Variants in STK10 observed in about 807,000 individuals in gnomAD.
STK10 encodes serine/threonine kinase 10, also known as serine/threonine-protein kinase 10.
Under a neutral mutation model 113.8 loss-of-function variants are expected in STK10, and 78 were observed. The ratio of observed to expected loss-of-function variants is 0.69; its 90% CI spans 0.57 to 0.83. The LOEUF is 0.83. STK10 is among the 40% of genes least tolerant of loss of function. The pLI, the probability that STK10 is intolerant of heterozygous loss-of-function variation, is 0.00. For missense variants in STK10, 1,109 were observed against 1,280.1 expected (o/e 0.87, Z 2.04); for synonymous variants, 465 against 494.7 (o/e 0.94, Z 0.80).
chr5:172,087,752 C>A lies in STK10; in HGVS notation c.1685+2480G>T, dbSNP rs1768604882. The stretch of plus-strand genomic sequence containing the variant: ...CACGCCATTCTCCTGCCTCAGCCTC[C>A]CGAGTAGCTGGGACTACAGGCGCCC... On this transcript the variant is annotated intron_variant, in intron 10 of 18. Coordinates refer to ENST00000176763, the MANE Select transcript of STK10 (RefSeq NM_005990.4). Among the ~76,000 whole-genome samples the A allele has an allele frequency of 1.5e-5, 2 of 133,686 alleles. 1 individual carries two copies. The highest frequency in any genetic ancestry group is 3.2e-5 in the Non-Finnish European group (2 of 62,804). The allele number at this position is 133,686 out of a possible 152,430, so 87.7% of individuals were successfully genotyped here. A position where few individuals can be genotyped will look rare whatever the true frequency, so the allele number is the denominator to read the frequency against.
At chr5:172,070,269 A>C (rs1307021788) in intron 12 of STK10, among the ~76,000 whole-genome samples, 1 of 150,534 alleles carries the variant, frequency 6.6e-6, no homozygotes, top group East Asian at 1.9e-4. Flanking sequence ...ATATCTATAT[A>C]TCTATATATC....
intron 2 of STK10, 42 bp from the exon 3 acceptor site, chr5:172,127,463 C>G (rs1280524486): frequency 5.0e-6 from 8 of 1,610,114 alleles, no homozygotes; most frequent in Non-Finnish European, 6.8e-6. Flanking sequence ...GTGGGGCTGC[C>G]CAGCCGTCGA....
Position 172,093,448 on chromosome 5 carries a change from C to T in STK10, c.1518G>A (p.Leu506=), listed in dbSNP as rs1050360414. 1 of 1,610,060 alleles carries T rather than the reference C, an allele frequency of 6.2e-7. No individual in the cohort carries two copies. The highest frequency in any genetic ancestry group is 8.5e-7 in the Non-Finnish European group (1 of 1,176,886). ...GAGAGCCCATCTCTTTGTTCAGCGA[C>T]AGGTCAGTGGAGAGATTGGTACCAT... ...MDYGTNLSTD[L]SLNKEMGSLS... is the part of the protein sequence containing the mutation. Residue 506 remains leucine (L), a synonymous_variant, in exon 9 of 19, where the codon CTG becomes CTA. Transcript: ENST00000176763. The surrounding 1 kb of genome is among the most constrained non-coding windows in gnomAD (Gnocchi z 4.1).
At chr5:172,084,826 C>T (rs929012661) in intron 10 of STK10, among the ~76,000 whole-genome samples, 16 of 151,798 alleles carry the variant, frequency 1.1e-4, no homozygotes, top group African/African-American at 2.9e-4. Context: ...ATCTGAAGTC[C>T]GAAATGTTCC....
chr5:172,114,471 A>ATTTTTTTTTT (rs1216558864), intron 4 of STK10: 8 of 38,398 alleles, frequency 2.1e-4, no homozygotes, highest in Non-Finnish European at 3.2e-4. Flanking sequence ...ATATATATAT[A>ATTTTTTTTTT]TATTTTTTTT....
At chr5:172,085,873 A>G (rs1447835436) in intron 10 of STK10, among the ~76,000 whole-genome samples, 13 of 152,056 alleles carry the variant, frequency 8.5e-5, no homozygotes, top group Non-Finnish European at 1.3e-4. Flanking sequence ...GCTGATTCCC[A>G]TGAGGCCACG....
chr5:172,121,566 G>C (rs1033780888), intron 3 of STK10, among the ~76,000 whole-genome samples: 1 of 152,058 alleles, frequency 6.6e-6, no homozygotes, highest in East Asian at 2.0e-4. Context: ...CAGCACTTCG[G>C]GAGGTGGAGG....
In STK10 at chr5:172,188,060, C is replaced by T; in HGVS notation, c.-18G>A. Reference sequence around the variant, plus strand: ...AAAGCCATGGCCGGGGGCGCGGTGGCGCCGGCTCGGGCTCGGGCTCGGGCT... The same window carrying T: ...AAAGCCATGGCCGGGGGCGCGGTGGTGCCGGCTCGGGCTCGGGCTCGGGCT... On this transcript the variant is annotated 5_prime_UTR_variant, in exon 1 of 19. Transcript: ENST00000176763. The surrounding 1 kb of genome is among the most constrained non-coding windows in gnomAD (Gnocchi z 5.6). The T allele has an allele frequency of 6.2e-7, 1 of 1,608,624 alleles. No individual in the cohort carries two copies. The highest frequency in any genetic ancestry group is 8.5e-7 in the Non-Finnish European group (1 of 1,177,662).
chr5:172,078,892 C>T (rs564481800), intron 12 of STK10, among the ~76,000 whole-genome samples: 1 of 151,888 alleles, frequency 6.6e-6, no homozygotes, highest in African/African-American at 2.4e-5. Context: ...CCCCCATCCC[C>T]TCCTAAACTA....
At chr5:172,140,644 C>G (rs1469743434) in intron 2 of STK10, among the ~76,000 whole-genome samples, 2 of 152,172 alleles carry the variant, frequency 1.3e-5, no homozygotes, top group East Asian at 3.8e-4. Flanking sequence ...TTGCAGTGAG[C>G]CAAGATTGTG....
intron 2 of STK10, among the ~76,000 whole-genome samples, chr5:172,153,342 T>C (rs1032749812): frequency 1.4e-5 from 2 of 146,204 alleles, no homozygotes; most frequent in Non-Finnish European, 3.0e-5. Context: ...AAATGATGCA[T>C]GTGGCTCACA....
chr5:172,102,179 T>C (rs1769004912), intron 7 of STK10, among the ~76,000 whole-genome samples: 1 of 151,572 alleles, frequency 6.6e-6, no homozygotes, highest in African/African-American at 2.4e-5. Flanking sequence ...GAGGTGGTGG[T>C]GGCCCAGGTA....
At chr5:172,142,909 C>T (rs776758637) in intron 2 of STK10, among the ~76,000 whole-genome samples, 3 of 152,224 alleles carry the variant, frequency 2.0e-5, no homozygotes, top group Non-Finnish European at 2.9e-5. Flanking sequence ...AAAGGCCCCT[C>T]TGCTTCTTTG....
intron 10 of STK10, among the ~76,000 whole-genome samples, chr5:172,089,141 C>T (rs1437577696): frequency 2.6e-5 from 4 of 152,212 alleles, no homozygotes; most frequent in African/African-American, 9.6e-5. Context: ...TCAGCAACTG[C>T]AATTTCCCCT....
chr5:172,082,567 G>T lies in STK10; in HGVS notation c.1810-62C>A. The T allele has an allele frequency of 6.6e-7, 1 of 1,511,866 alleles. No homozygotes were observed. The highest frequency in any genetic ancestry group is 2.4e-5 in the East Asian group (1 of 42,504). 93.7% of individuals were successfully genotyped at this position (1,511,866 alleles called of 1,614,324 possible). On this transcript the variant is annotated intron_variant, in intron 11 of 18. Transcript: ENST00000176763. This position sits in a 1 kb window ranked among gnomAD's most constrained non-coding sequence, Gnocchi z 4.3. ...TCACTTTATACCTGGGAGGGACATG[G>T]GAAGTGGAATGGGGAGAACTCAGAG...
Position 172,061,138 on chromosome 5 carries a change from C to T in STK10, c.2212+1G>A. On this transcript the variant is annotated splice_donor_variant, in intron 14 of 18. Transcript: ENST00000176763. LOFTEE classifies it high-confidence loss of function. Reference sequence around the variant, plus strand: ...CAGCGCTGCCACTTGCACACCCCCACCTCGAAGGAGCTCCTGCTTCTTCAT... The same window carrying T: ...CAGCGCTGCCACTTGCACACCCCCATCTCGAAGGAGCTCCTGCTTCTTCAT... The T allele has an allele frequency of 1.2e-6, 2 of 1,609,816 alleles. No homozygotes were observed. The highest frequency in any genetic ancestry group is 1.7e-6 in the Non-Finnish European group (2 of 1,178,468).
Position 172,105,690 on chromosome 5 carries a change from G to A in STK10, c.836C>T (p.Pro279Leu). The A allele has an allele frequency of 6.2e-7, 1 of 1,613,890 alleles. No homozygotes were observed. The highest frequency in any genetic ancestry group is 8.5e-7 in the Non-Finnish European group (1 of 1,180,020). ...CTGCGCGGCACTGGGTCGGGTTTCT[G>A]GGTTCTTATCCAGGGCTATCTTCAG... Reference protein sequence around the residue: ...DFLKIALDKNPETRPSAAQLL... With the variant: ...DFLKIALDKNLETRPSAAQLL... Residue 279 changes from proline (P) to leucine (L), a missense_variant, in exon 7 of 19, where the codon CCA (proline) becomes CTA (leucine). Coordinates refer to ENST00000176763, the MANE Select transcript of STK10 (RefSeq NM_005990.4).
At chr5:172,114,473 A>ATATATATATATATT (rs1226289994) in intron 4 of STK10, 2 of 47,538 alleles carry the variant, frequency 4.2e-5, no homozygotes, top group African/African-American at 2.8e-4. Flanking sequence ...ATATATATAT[A>ATATATATATATATT]TTTTTTTTTT....
intron 8 of STK10, among the ~76,000 whole-genome samples, chr5:172,095,029 C>CGG (rs1370967449): frequency 6.6e-6 from 1 of 152,210 alleles, no homozygotes; most frequent in Admixed American, 6.5e-5. Flanking sequence ...AGAGGGCCAT[C>CGG]CCCTGCCGCC....
Sources: allele counts gnomAD v4.1 joint callset (sites outside exome capture counted in the v4.1 genomes callset), GRCh38; gene constraint gnomAD v4.1.1; non-coding constraint Gnocchi (gnomAD v3.1); transcripts MANE v1.5; gene names NCBI Gene and HGNC (gene_info 2026-07-23, HGNC 2026-07-21).